The following NRG1 variants were observed in gnomAD, a reference collection of about 807,000 sequenced individuals.
NRG1 encodes the protein pro-neuregulin-1, membrane-bound isoform.
Under a neutral mutation model 63.8 loss-of-function variants are expected in NRG1, and 18 were observed. That is an observed-to-expected ratio of 0.28 (90% CI 0.19 to 0.42). The LOEUF is 0.42. NRG1 is among the 10% of genes least tolerant of loss of function. The pLI is 1.00. For synonymous variants in NRG1, 302 were observed against 301.3 expected (o/e 1.00, Z -0.02); for missense variants, 762 against 814.7 (o/e 0.94, Z 0.79).
At position 31,883,466 on chromosome 8, in the gene NRG1, A is replaced by G. The variant is rs569840068; in HGVS notation, c.37+244035A>G. Among the ~76,000 whole-genome samples the G allele has an allele frequency of 5.1e-4, 77 of 152,264 alleles. 1 individual carries two copies. The highest frequency in any genetic ancestry group is 1.6e-3 in the African/African-American group (67 of 41,576). Reference sequence around the variant, plus strand: ...TCCCTAAGGTATGCCTATGCTTGAAAAATGTTATCAGTAAGATGTGTAATG... The same window carrying G: ...TCCCTAAGGTATGCCTATGCTTGAAGAATGTTATCAGTAAGATGTGTAATG... On this transcript the variant is annotated intron_variant, in intron 1 of 10. Coordinates refer to the NRG1 transcript ENST00000519301.
intron 1 of NRG1, among the ~76,000 whole-genome samples, chr8:32,145,102 G>A (rs79038160): frequency 2.0e-5 from 3 of 152,290 alleles, no homozygotes; most frequent in East Asian, 3.9e-4. Flanking sequence ...AGCCAACCAC[G>A]TGGAAAAAAC....
chr8:32,371,796 T>C (rs925831444), intron 1 of NRG1, among the ~76,000 whole-genome samples: 1 of 152,158 alleles, frequency 6.6e-6, no homozygotes, highest in South Asian at 2.1e-4. Flanking sequence ...CATTAGGACC[T>C]GGTCTGAGTT....
At chr8:31,804,796 A>T (rs1822115960) in intron 1 of NRG1, among the ~76,000 whole-genome samples, 1 of 152,202 alleles carries the variant, frequency 6.6e-6, no homozygotes, top group Non-Finnish European at 1.5e-5. Flanking sequence ...CTGATTATAG[A>T]TGCTAACCAC....
At chr8:32,195,249 C>T (rs1455162801) in intron 1 of NRG1, among the ~76,000 whole-genome samples, 1 of 152,044 alleles carries the variant, frequency 6.6e-6, no homozygotes, top group Non-Finnish European at 1.5e-5. Flanking sequence ...GCCTGGACAA[C>T]ATGGTGAGAT....
intron 1 of NRG1, among the ~76,000 whole-genome samples, chr8:32,464,944 G>T (rs550788666): frequency 6.6e-6 from 1 of 152,150 alleles, no homozygotes; most frequent in Non-Finnish European, 1.5e-5. Flanking sequence ...GGAGGCCGAG[G>T]TGGGTGGATC....
At chr8:32,458,434 C>G (rs972068300) in intron 1 of NRG1, among the ~76,000 whole-genome samples, 1 of 152,126 alleles carries the variant, frequency 6.6e-6, no homozygotes, top group African/African-American at 2.4e-5. Flanking sequence ...GATCAAAGAG[C>G]TATAAGAAGA....
intron 1 of NRG1, among the ~76,000 whole-genome samples, chr8:32,418,431 T>G (rs1281941885): frequency 6.6e-6 from 1 of 151,896 alleles, no homozygotes; most frequent in Non-Finnish European, 1.5e-5. Flanking sequence ...CATTTCAACA[T>G]GTAATCAATA....
chr8:32,764,620 T>C, exon 12 of NRG1: 1 of 422,300 alleles, frequency 2.4e-6, no homozygotes, highest in Non-Finnish European at 4.1e-6. Context: ...CAATGGTGCC[T>C]TTATGTTATG....
At chr8:31,967,728 A>C (rs1326532621) in intron 1 of NRG1, among the ~76,000 whole-genome samples, 1 of 152,212 alleles carries the variant, frequency 6.6e-6, no homozygotes, top group Non-Finnish European at 1.5e-5. Flanking sequence ...GATTACACCC[A>C]GCCAAAAAAC....
intron 1 of NRG1, among the ~76,000 whole-genome samples, chr8:32,310,821 A>G (rs995445250): frequency 6.6e-6 from 1 of 152,092 alleles, no homozygotes; most frequent in African/African-American, 2.4e-5. Flanking sequence ...CTTCTTGAGC[A>G]CTTCACTTCA....
chr8:31,933,197 T>G (rs1386375821), intron 1 of NRG1, among the ~76,000 whole-genome samples: 1 of 152,216 alleles, frequency 6.6e-6, no homozygotes, highest in African/African-American at 2.4e-5. Context: ...TATTAAAACA[T>G]TTTTATAAAT....
chr8:32,253,401 G>A (rs4733312), intron 1 of NRG1, among the ~76,000 whole-genome samples: 105,597 of 152,028 alleles, frequency 0.69, 37,232 homozygotes, highest in African/African-American at 0.79. Context: ...TTAGCATGAA[G>A]TAGCATTGAA....
intron 1 of NRG1, among the ~76,000 whole-genome samples, chr8:32,158,404 C>A (rs1838386061): frequency 8.0e-6 from 1 of 124,812 alleles, no homozygotes; most frequent in Non-Finnish European, 1.7e-5. Flanking sequence ...ATTCCTCCCA[C>A]CCCCAAAAAT....
chr8:32,561,998 C>T (rs1312442322), intron 1 of NRG1, among the ~76,000 whole-genome samples: 1 of 152,114 alleles, frequency 6.6e-6, no homozygotes, highest in Non-Finnish European at 1.5e-5. Flanking sequence ...CTGGGCCTCA[C>T]ATGGGTGTCC....
chr8:32,510,025 G>A (rs1828973105), intron 1 of NRG1, among the ~76,000 whole-genome samples: 2 of 151,726 alleles, frequency 1.3e-5, no homozygotes, highest in South Asian at 4.2e-4. Context: ...CTCCAAAAGA[G>A]AGAAGATTCT....
At chr8:32,764,060 G>C (rs1029460035) in exon 12 of NRG1, 1 of 1,614,034 alleles carries the variant, frequency 6.2e-7, no homozygotes, top group Admixed American at 1.7e-5. Context: ...AGTATGAAAC[G>C]ACCCAAGAGT....
At chr8:32,727,499 G>A (rs1379692076) in intron 5 of NRG1, among the ~76,000 whole-genome samples, 4 of 152,112 alleles carry the variant, frequency 2.6e-5, no homozygotes, top group South Asian at 2.1e-4. Flanking sequence ...TCTAAAAAAT[G>A]TAAAGTCAAT....
Position 32,040,765 on chromosome 8 carries a change from A to ATATATATG in NRG1, c.37+401337_37+401338insATATGTAT, listed in dbSNP as rs1465022551. Reference sequence around the variant, plus strand: ...AATTTAGGCGCATATATATATATATATATGCGCCTAAATTTCAGCACTAAA... The same window carrying ATATATATG: ...AATTTAGGCGCATATATATATATATATATATATGTATGCGCCTAAATTTCAGCACTAAA... On this transcript the variant is annotated intron_variant, in intron 1 of 10. Coordinates refer to the NRG1 transcript ENST00000519301. Among the ~76,000 whole-genome samples the ATATATATG allele has an allele frequency of 1.6e-3, 212 of 129,918 alleles. 4 individuals carry two copies. Among genetic ancestry groups the ATATATATG allele is most frequent in the African/African-American group, 6.0e-3 (199 of 33,236 alleles). The allele number at this position is 129,918 out of a possible 152,430, so 85.2% of individuals were successfully genotyped here.
chr8:32,229,712 A>G (rs1370223225), intron 1 of NRG1, among the ~76,000 whole-genome samples: 2 of 152,062 alleles, frequency 1.3e-5, no homozygotes, highest in Non-Finnish European at 2.9e-5. Flanking sequence ...TAAAAGCACC[A>G]TTTTCCCTTT....
Sources: gnomAD v4.1 joint callset for allele counts (sites outside exome capture counted in the v4.1 genomes callset) on GRCh38, gnomAD v4.1.1 for gene constraint, MANE v1.5 for transcripts, NCBI Gene and HGNC (gene_info 2026-07-23, HGNC 2026-07-21) for gene names.